Variants in PKP4 observed in about 807,000 individuals in gnomAD.
The protein encoded by PKP4 is plakophilin 4.
In PKP4, 90 loss-of-function variants were observed where a neutral mutation model predicts 145.1. The ratio of observed to expected loss-of-function variants is 0.62; its 90% CI spans 0.52 to 0.74. The LOEUF (loss-of-function observed/expected upper bound fraction) is 0.74. Among genes scored for constraint, PKP4 ranks in the 30% least tolerant of loss-of-function variants. The pLI is 0.00. For missense variants in PKP4, 1,340 were observed against 1,482.7 expected (o/e 0.90, Z 1.58); for synonymous variants, 563 against 577.2 (o/e 0.98, Z 0.35).
intron 3 of PKP4, among the ~76,000 whole-genome samples, chr2:158,598,543 G>A (rs898966667): frequency 8.5e-5 from 13 of 152,128 alleles, no homozygotes; most frequent in South Asian, 2.1e-4. Context: ...TGAGGCGGGC[G>A]GATCACGAGG....
chr2:158,613,645 G>A (rs984547525), intron 4 of PKP4, among the ~76,000 whole-genome samples: 12 of 152,128 alleles, frequency 7.9e-5, no homozygotes, highest in Non-Finnish European at 5.9e-5. Flanking sequence ...GAGAACCATC[G>A]CATTAGGAGA....
intron 9 of PKP4, among the ~76,000 whole-genome samples, chr2:158,639,321 G>GTGTGTGTGT (rs1553468374): frequency 7.3e-6 from 1 of 137,724 alleles, no homozygotes; most frequent in Non-Finnish European, 1.7e-5. Flanking sequence ...ACGCATGAGG[G>GTGTGTGTGT]GTGTGTGTGT....
chr2:158,668,562 A>G (rs1256318882), intron 16 of PKP4, among the ~76,000 whole-genome samples: 1 of 152,228 alleles, frequency 6.6e-6, no homozygotes, highest in Non-Finnish European at 1.5e-5. Context: ...CAGGAGTGCA[A>G]TTTAAAGTTA....
intron 1 of PKP4, among the ~76,000 whole-genome samples, chr2:158,489,124 TAAAAC>T (rs1694580466): frequency 6.6e-6 from 1 of 152,232 alleles, no homozygotes; most frequent in South Asian, 2.1e-4. Context: ...AGATTTTATT[TAAAAC>T]AAAGTTCATC....
intron 1 of PKP4, among the ~76,000 whole-genome samples, chr2:158,489,068 A>G (rs756695710): frequency 5.3e-5 from 8 of 152,232 alleles, no homozygotes; most frequent in Non-Finnish European, 1.0e-4. Flanking sequence ...AATCTTTTCA[A>G]TTCACATTCT....
At chr2:158,521,385 T>G (rs1347628820) in intron 1 of PKP4, among the ~76,000 whole-genome samples, 1 of 152,246 alleles carries the variant, frequency 6.6e-6, no homozygotes, top group Admixed American at 6.5e-5. Context: ...TTGCTTAATT[T>G]TTTTTACCAG....
chr2:158,532,824 T>G (rs1385503313), intron 1 of PKP4, among the ~76,000 whole-genome samples: 1 of 152,244 alleles, frequency 6.6e-6, no homozygotes, highest in Non-Finnish European at 1.5e-5. Context: ...AGACTTTTAT[T>G]TTTAAGCCTT....
At chr2:158,604,641 A>G (rs1046346286) in intron 4 of PKP4, among the ~76,000 whole-genome samples, 2 of 152,076 alleles carry the variant, frequency 1.3e-5, no homozygotes, top group Non-Finnish European at 1.5e-5. Flanking sequence ...AGTTAAAACA[A>G]TTAGGAGTGT....
At chr2:158,604,056 A>G (rs1367224382) in intron 4 of PKP4, among the ~76,000 whole-genome samples, 1 of 152,224 alleles carries the variant, frequency 6.6e-6, no homozygotes, top group African/African-American at 2.4e-5. Flanking sequence ...CTACCTAACA[A>G]TAAGGCTTCT....
intron 2 of PKP4, among the ~76,000 whole-genome samples, chr2:158,538,268 T>C (rs529187871): frequency 2.0e-5 from 3 of 152,308 alleles, no homozygotes; most frequent in Admixed American, 1.3e-4. Context: ...CAGGGTATTA[T>C]TATCAAGTGG....
chr2:158,497,321 A>G (rs370812707), intron 1 of PKP4, among the ~76,000 whole-genome samples: 1 of 99,712 alleles, frequency 1.0e-5, no homozygotes, highest in Non-Finnish European at 2.9e-5. Context: ...TTGTATTTGC[A>G]TTTTGAGTGG....
At chr2:158,635,992 A>T (rs1261573146) in intron 9 of PKP4, among the ~76,000 whole-genome samples, 1 of 152,166 alleles carries the variant, frequency 6.6e-6, no homozygotes, top group Admixed American at 6.5e-5. Context: ...GGCCTGAAAA[A>T]TTCTCTTTAA....
At chr2:158,500,619 C>G (rs1380283212) in intron 1 of PKP4, among the ~76,000 whole-genome samples, 2 of 152,164 alleles carry the variant, frequency 1.3e-5, no homozygotes, top group African/African-American at 4.8e-5. Flanking sequence ...AGAGCCCGTG[C>G]CTTCCTTCAG....
chr2:158,533,868 T>C (rs909958140), intron 2 of PKP4, among the ~76,000 whole-genome samples: 1 of 152,214 alleles, frequency 6.6e-6, no homozygotes, highest in South Asian at 2.1e-4. Flanking sequence ...GCATTAATAC[T>C]CTTTATCCTT....
intron 1 of PKP4, among the ~76,000 whole-genome samples, chr2:158,459,967 T>A (rs188558459): frequency 4.5e-4 from 69 of 152,314 alleles, no homozygotes; most frequent in Non-Finnish European, 6.5e-4. Context: ...ACCGAAATTG[T>A]ATTTTGACCA....
chr2:158,492,665 C>G (rs956187519), intron 1 of PKP4, among the ~76,000 whole-genome samples: 2 of 152,180 alleles, frequency 1.3e-5, no homozygotes, highest in Admixed American at 1.3e-4. Flanking sequence ...TTGCCTGTTA[C>G]AATAGTATTT....
chr2:158,666,699 T>G, intron 16 of PKP4, 136 bp downstream of exon 16: 1 of 660,660 alleles, frequency 1.5e-6, no homozygotes, highest in Non-Finnish European at 2.4e-6. Flanking sequence ...CTTGGCATAT[T>G]TGAGTACTCC....
At chr2:158,669,942 C>G in intron 17 of PKP4, 27 bp downstream of exon 17, 4 of 1,568,158 alleles carry the variant, frequency 2.6e-6, no homozygotes, top group South Asian at 1.2e-5. Flanking sequence ...GAGGTGCAAG[C>G]AGTGCTCTTA....
In PKP4 at chr2:158,634,100, G is replaced by C. The variant is rs1379452583; in HGVS notation, c.1373G>C (p.Ser458Thr). 5 of 1,613,254 alleles carry C rather than the reference G, an allele frequency of 3.1e-6. No homozygotes were observed. Among genetic ancestry groups the C allele is most frequent in the Non-Finnish European group, 4.2e-6 (5 of 1,179,210 alleles). The change falls in exon 9 of 22, where the codon AGC becomes ACC. Residue 458 changes from serine (S) to threonine (T), a missense_variant. Ser to Thr is a moderately conservative substitution (Grantham distance 58, BLOSUM62 1). Transcript: ENST00000389759. The part of the protein sequence containing the change: ...VGIGNLQRTS[S>T]QRSTLTYQRN... Reference sequence around the variant, plus strand: ...ATTGGAAATCTACAAAGGACATCCAGCCAACGAAGTACCCTTACATACCAA... The same window carrying C: ...ATTGGAAATCTACAAAGGACATCCACCCAACGAAGTACCCTTACATACCAA...
Sources: gnomAD v4.1 joint callset for allele counts (sites outside exome capture counted in the v4.1 genomes callset) on GRCh38, gnomAD v4.1.1 for gene constraint, MANE v1.5 for transcripts, NCBI Gene and HGNC (gene_info 2026-07-23, HGNC 2026-07-21) for gene names.